The following PTPRT variants were observed in gnomAD, a reference collection of about 807,000 sequenced individuals.
The protein encoded by PTPRT is receptor-type tyrosine-protein phosphatase T.
PTPRT carries 56 observed loss-of-function variants against 176.8 expected under a neutral mutation model. The ratio of observed to expected loss-of-function variants is 0.32; its 90% CI spans 0.26 to 0.40. PTPRT has a LOEUF of 0.40. Among genes scored for constraint, PTPRT ranks in the 10% least tolerant of loss-of-function variants. PTPRT has a pLI of 1.00. For synonymous variants in PTPRT, 783 were observed against 739.0 expected (o/e 1.06, Z -0.96); for missense variants, 1,540 against 1,908.2 (o/e 0.81, Z 3.60).
chr20:42,359,555 G>A (rs963510944), intron 9 of PTPRT, among the ~76,000 whole-genome samples: 1 of 152,110 alleles, frequency 6.6e-6, no homozygotes, highest in African/African-American at 2.4e-5. Context: ...CCAGCGGGAG[G>A]GAAGACCACT....
intron 1 of PTPRT, chr20:42,969,185 G>C (rs1319902240): frequency 6.6e-6 from 1 of 152,130 alleles, no homozygotes; most frequent in Non-Finnish European, 1.5e-5. Flanking sequence ...TCATTTTATA[G>C]CCATAAAAAA....
At chr20:42,231,657 A>T (rs1245589816) in intron 15 of PTPRT, among the ~76,000 whole-genome samples, 1 of 152,194 alleles carries the variant, frequency 6.6e-6, no homozygotes, top group African/African-American at 2.4e-5. Flanking sequence ...CTAGGGCAAG[A>T]ATTGGCAAAC....
chr20:42,211,295 T>G (rs2055620879), intron 15 of PTPRT, among the ~76,000 whole-genome samples: 1 of 151,016 alleles, frequency 6.6e-6, no homozygotes, highest in Non-Finnish European at 1.5e-5. Context: ...AATTGACAAA[T>G]GGGATCTAAT....
At chr20:42,997,608 T>C (rs1289730986) in intron 1 of PTPRT, among the ~76,000 whole-genome samples, 1 of 152,156 alleles carries the variant, frequency 6.6e-6, no homozygotes, top group Non-Finnish European at 1.5e-5. Context: ...GCAAAATAAA[T>C]GATTGTTATT....
intron 20 of PTPRT, among the ~76,000 whole-genome samples, chr20:42,119,427 T>C (rs1987471560): frequency 6.6e-6 from 1 of 152,206 alleles, no homozygotes; most frequent in Non-Finnish European, 1.5e-5. Flanking sequence ...TCATTGTCTA[T>C]ATATATAATT....
chr20:42,357,980 C>T (rs1019026941), intron 9 of PTPRT, among the ~76,000 whole-genome samples: 1 of 151,698 alleles, frequency 6.6e-6, no homozygotes, highest in African/African-American at 2.4e-5. Context: ...CAAAGAAAGA[C>T]CAAGAAATGG....
At chr20:42,169,951 AC>A (rs1258536726) in intron 16 of PTPRT, among the ~76,000 whole-genome samples, 4 of 152,146 alleles carry the variant, frequency 2.6e-5, no homozygotes, top group Non-Finnish European at 4.4e-5. Flanking sequence ...GTGTTCCGAT[AC>A]CTTTTGCAAG....
chr20:42,116,059 G>A (rs761562043), intron 21 of PTPRT: 36 of 725,182 alleles, frequency 5.0e-5, no homozygotes, highest in Non-Finnish European at 7.5e-5. Flanking sequence ...GACGCCGCAC[G>A]GCCTAGAGTG....
intron 1 of PTPRT, among the ~76,000 whole-genome samples, chr20:42,887,143 G>C (rs981026959): frequency 1.3e-5 from 2 of 152,138 alleles, no homozygotes; most frequent in Non-Finnish European, 2.9e-5. Flanking sequence ...GTCTGCTATA[G>C]ATTAAATGTG....
chr20:42,723,924 C>T lies in PTPRT; in HGVS notation c.859+32538G>A, dbSNP rs553411067. 3.3e-5 allele frequency among the ~76,000 whole-genome samples: 5 copies of T among 152,274 alleles called. No homozygotes were observed. In the South Asian group the frequency reaches 1.0e-3, roughly 32 times the overall value. On this transcript the variant is annotated intron_variant, in intron 6 of 30. Transcript: ENST00000373187. ...TATCACTGGGCTTGGATCCAGAAGA[C>T]TGGGACTCAAATCCTTGCTTTGATA...
At chr20:43,047,986 G>A (rs1457690149) in intron 1 of PTPRT, among the ~76,000 whole-genome samples, 6 of 152,150 alleles carry the variant, frequency 3.9e-5, no homozygotes, top group South Asian at 2.1e-4. Context: ...AGGTACAGCC[G>A]TGCCTCAAGG....
chr20:42,069,583 A>C (rs1982233540), downstream of PTPRT, among the ~76,000 whole-genome samples: 1 of 152,176 alleles, frequency 6.6e-6, no homozygotes, highest in Non-Finnish European at 1.5e-5. Context: ...TCCGGGTATT[A>C]AAGTAATATA....
At chr20:42,713,359 T>A (rs1214585775) in intron 6 of PTPRT, among the ~76,000 whole-genome samples, 2 of 152,180 alleles carry the variant, frequency 1.3e-5, no homozygotes, top group East Asian at 3.9e-4. Context: ...AGGGGTTGAA[T>A]AAGAATCAAG....
chr20:42,566,841 TA>T (rs1376790694), intron 7 of PTPRT, among the ~76,000 whole-genome samples: 4 of 152,220 alleles, frequency 2.6e-5, no homozygotes, highest in Admixed American at 6.5e-5. Flanking sequence ...GTGTTAACAG[TA>T]ACCCACAAAT....
chr20:42,637,115 C>G (rs1001399578), intron 7 of PTPRT, among the ~76,000 whole-genome samples: 2 of 152,090 alleles, frequency 1.3e-5, no homozygotes, highest in African/African-American at 4.8e-5. Context: ...GGATGCCACC[C>G]CCAGAGTTTC....
chr20:42,139,418 G>A (rs1358103699), intron 18 of PTPRT, among the ~76,000 whole-genome samples: 1 of 152,184 alleles, frequency 6.6e-6, no homozygotes, highest in Admixed American at 6.5e-5. Flanking sequence ...AATACCAGTA[G>A]GAAAGGGGTG....
chr20:42,561,888 G>A lies in PTPRT; in HGVS notation c.1154-89326C>T, dbSNP rs565995651. 5.2e-4 allele frequency among the ~76,000 whole-genome samples: 79 copies of A among 152,300 alleles called. 1 individual carries two copies. The highest frequency in any genetic ancestry group is 1.9e-3 in the African/African-American group (78 of 41,568). On this transcript the variant is annotated intron_variant, in intron 7 of 30. Transcript: ENST00000373187. The stretch of plus-strand genomic sequence containing the variant: ...ATTGACTGTAACCCTCATACTGGCT[G>A]TTGTTCCCCCCAAAACCCTCTCAGG...
intron 17 of PTPRT, among the ~76,000 whole-genome samples, chr20:42,151,202 C>G (rs6030004): frequency 0.13 from 20,204 of 151,214 alleles, 3,438 homozygotes; most frequent in African/African-American, 0.4. Flanking sequence ...TGTTACATAG[C>G]TATACATGTG....
intron 1 of PTPRT, among the ~76,000 whole-genome samples, chr20:43,065,395 C>T (rs1384461274): frequency 1.3e-5 from 2 of 152,178 alleles, no homozygotes. Context: ...TCACATTTCA[C>T]TGGCCAGAAC....
Sources: allele counts gnomAD v4.1 joint callset (sites outside exome capture counted in the v4.1 genomes callset), GRCh38; gene constraint gnomAD v4.1.1; transcripts MANE v1.5; gene names NCBI Gene and HGNC (gene_info 2026-07-23, HGNC 2026-07-21).